The following PCSK5 variants were observed in gnomAD, a reference collection of about 807,000 sequenced individuals.
PCSK5 encodes prohormone convertase 5.
In PCSK5, 129 loss-of-function variants were observed where a neutral mutation model predicts 233.2. The ratio of observed to expected loss-of-function variants is 0.55; its 90% confidence interval spans 0.48 to 0.64. PCSK5 has a LOEUF of 0.64. PCSK5 is among the 30% of genes least tolerant of loss of function. The pLI, the probability that PCSK5 is intolerant of heterozygous loss-of-function variation, is 0.00. For synonymous variants in PCSK5, 825 were observed against 879.2 expected (o/e 0.94, Z 1.09); for missense variants, 2,076 against 2,430.1 (o/e 0.85, Z 3.06).
At chr9:76,046,621 C>A (rs1173450937) in intron 5 of PCSK5, among the ~76,000 whole-genome samples, 1 of 125,742 alleles carries the variant, frequency 8.0e-6, no homozygotes, top group Non-Finnish European at 1.6e-5. Flanking sequence ...AGTGCAGTGG[C>A]ATGATCTCGG....
At chr9:76,064,243 C>T (rs1258390868) in intron 5 of PCSK5, among the ~76,000 whole-genome samples, 1 of 110,400 alleles carries the variant, frequency 9.1e-6, no homozygotes, top group African/African-American at 4.6e-5. Context: ...CTGACCCCCC[C>T]ATCTCCCTCC....
chr9:76,156,992 A>G (rs1321440034), intron 10 of PCSK5, 53 bp from the exon 11 acceptor site: 25 of 1,237,230 alleles, frequency 2.0e-5, no homozygotes, highest in Non-Finnish European at 2.6e-5. Flanking sequence ...GAGTGACGTT[A>G]TAATTTGACC....
rs557750644 is a variant in PCSK5 at position 75,903,587 on chromosome 9, TAAA to T, written c.192+12216_192+12218del. On this transcript the variant is annotated intron_variant, in intron 1 of 37. Transcript: ENST00000674117. ...ATGTGTGTGTGTGTATATATATATA[TAAA>T]ATATATATTATATATATATATTATA... 1.6e-3 allele frequency among the ~76,000 whole-genome samples: 224 copies of T among 140,732 alleles called. 2 individuals are homozygous for T. Among genetic ancestry groups the T allele is most frequent in the African/African-American group, 4.8e-3 (179 of 37,116 alleles). The allele number at this position is 140,732 out of a possible 152,430, so 92.3% of individuals were successfully genotyped here.
intron 5 of PCSK5, among the ~76,000 whole-genome samples, chr9:76,047,485 G>A (rs1391644900): frequency 6.6e-6 from 1 of 152,172 alleles, no homozygotes; most frequent in Non-Finnish European, 1.5e-5. Flanking sequence ...GTGATTTCTA[G>A]TGACTTGAGA....
intron 32 of PCSK5, among the ~76,000 whole-genome samples, chr9:76,326,394 GA>G (rs66780025): frequency 6.7e-6 from 1 of 150,082 alleles, no homozygotes; most frequent in African/African-American, 2.5e-5. Flanking sequence ...GCAAAAAAAA[GA>G]AAAAAAAATC....
At position 76,188,559 on chromosome 9, in the gene PCSK5, C is replaced by G. The variant is rs536904302; in HGVS notation, c.2283-19C>G. Reference sequence around the variant, plus strand: ...TCATCACAACAGTCTGTTTGAAGCTCCCTTTATACTTCTTCCAGCCTGCAG... The same window carrying G: ...TCATCACAACAGTCTGTTTGAAGCTGCCTTTATACTTCTTCCAGCCTGCAG... On this transcript the variant is annotated intron_variant, in intron 17 of 37. Transcript: ENST00000674117. 8.1e-5 allele frequency: 126 copies of G among 1,558,050 alleles called. No individual in the cohort carries two copies. The highest frequency in any genetic ancestry group is 9.9e-5 in the Non-Finnish European group (112 of 1,128,930).
intron 3 of PCSK5, among the ~76,000 whole-genome samples, chr9:76,000,126 T>C (rs941316743): frequency 6.6e-6 from 1 of 152,150 alleles, no homozygotes; most frequent in African/African-American, 2.4e-5. Flanking sequence ...ATATGTCTCT[T>C]ACATCTCCTT....
At chr9:76,093,900 G>A (rs1038258260) in intron 7 of PCSK5, among the ~76,000 whole-genome samples, 1 of 152,164 alleles carries the variant, frequency 6.6e-6, no homozygotes, top group African/African-American at 2.4e-5. Context: ...CCATAGTGAT[G>A]CATAATCCCT....
intron 24 of PCSK5, among the ~76,000 whole-genome samples, chr9:76,259,682 AG>A (rs1303128177): frequency 6.6e-6 from 1 of 152,158 alleles, no homozygotes; most frequent in Admixed American, 6.5e-5. Flanking sequence ...TACCACATGC[AG>A]GTAAGCATAT....
In PCSK5 at chr9:76,095,993, T is replaced by C; in HGVS notation, c.998T>C (p.Ile333Thr). The C allele has an allele frequency of 6.2e-7, 1 of 1,614,048 alleles. No individual in the cohort carries two copies. Reference sequence around the variant, plus strand: ...GGCTACACCAACAGCATCTACACCATCTCCATCAGCAGCACTGCAGAAAGC... The same window carrying C: ...GGCTACACCAACAGCATCTACACCACCTCCATCAGCAGCACTGCAGAAAGC... The part of the protein sequence containing the change: ...CDGYTNSIYT[I>T]SISSTAESGK... The change falls in exon 8 of 38, where the codon ATC becomes ACC. Residue 333 changes from isoleucine (I) to threonine (T), a missense_variant. Ile to Thr is a moderately conservative substitution (Grantham distance 89, BLOSUM62 -1). Around this residue, in one of 6 missense-constraint regions of PCSK5, gnomAD observed 178 missense variants for 393.6 expected, o/e 0.45. Coordinates refer to ENST00000674117, the MANE Select transcript of PCSK5 (RefSeq NM_001372043.1).
rs376296770 is a variant in PCSK5 at position 76,359,426 on chromosome 9, T to G, written c.*504T>G. The G allele has an allele frequency of 1.2e-5, 2 of 161,678 alleles. No homozygotes were observed. The highest frequency in any genetic ancestry group is 1.2e-4 in the Admixed American group (2 of 17,316). 10.0% of individuals were successfully genotyped at this position (161,678 alleles called of 1,614,324 possible). On this transcript the variant is annotated 3_prime_UTR_variant, in exon 38 of 38. Coordinates refer to ENST00000674117, the MANE Select transcript of PCSK5 (RefSeq NM_001372043.1). ...AGCTGTCTTTAGGCAGAAATTTGTT[T>G]TGTAAGGGCCAAGAAAAGAGGGCTC...
At chr9:76,101,457 T>C (rs1238096643) in intron 8 of PCSK5, among the ~76,000 whole-genome samples, 1 of 152,228 alleles carries the variant, frequency 6.6e-6, no homozygotes, top group East Asian at 1.9e-4. Context: ...AGATCCTATC[T>C]ATAACCCCTC....
intron 21 of PCSK5, among the ~76,000 whole-genome samples, chr9:76,230,296 T>G (rs944000948): frequency 6.6e-6 from 1 of 152,164 alleles, no homozygotes; most frequent in African/African-American, 2.4e-5. Flanking sequence ...TCACCTATGC[T>G]TTTGTTAGGG....
chr9:76,024,240 C>G (rs1055813268), intron 4 of PCSK5, among the ~76,000 whole-genome samples: 4 of 152,204 alleles, frequency 2.6e-5, no homozygotes. Flanking sequence ...GAACTTTTCT[C>G]CAGTTATCTG....
At chr9:75,971,690 A>T (rs981562401) in intron 2 of PCSK5, among the ~76,000 whole-genome samples, 3 of 152,046 alleles carry the variant, frequency 2.0e-5, no homozygotes, top group African/African-American at 7.2e-5. Flanking sequence ...ATCAGTGATG[A>T]TGAGCTTTTT....
intron 24 of PCSK5, among the ~76,000 whole-genome samples, chr9:76,291,024 C>G (rs1211801638): frequency 6.6e-6 from 1 of 152,238 alleles, no homozygotes; most frequent in Non-Finnish European, 1.5e-5. Flanking sequence ...ACAGGAAGCT[C>G]AACTTCCAGG....
chr9:75,995,210 C>T (rs1826959402), intron 3 of PCSK5, among the ~76,000 whole-genome samples: 1 of 152,154 alleles, frequency 6.6e-6, no homozygotes, highest in Non-Finnish European at 1.5e-5. Flanking sequence ...GCAGTTATAA[C>T]TTTCCATCTC....
At chr9:75,962,501 C>G (rs1462611138) in intron 2 of PCSK5, among the ~76,000 whole-genome samples, 4 of 152,146 alleles carry the variant, frequency 2.6e-5, no homozygotes, top group Non-Finnish European at 5.9e-5. Context: ...TCATAAGAAT[C>G]AAAACTGTTG....
intron 24 of PCSK5, among the ~76,000 whole-genome samples, chr9:76,279,460 T>C (rs955074553): frequency 1.1e-4 from 17 of 151,902 alleles, no homozygotes; most frequent in African/African-American, 3.9e-4. Context: ...ATGGTATTTC[T>C]AGTTCTAGAT....
Sources: allele counts gnomAD v4.1 joint callset (sites outside exome capture counted in the v4.1 genomes callset), GRCh38; gene constraint gnomAD v4.1.1; regional missense constraint gnomAD v4.1.1; transcripts MANE v1.5; gene names NCBI Gene and HGNC (gene_info 2026-07-23, HGNC 2026-07-21).